Variants in MECOM observed in about 807,000 individuals in gnomAD.
MECOM encodes the protein MDS1 and EVI1 complex locus.
In MECOM, 13 loss-of-function variants were observed where a neutral mutation model predicts 116.3. That is an observed-to-expected ratio of 0.11 (90% CI 0.07 to 0.18). MECOM has a LOEUF of 0.18. Among genes scored for constraint, MECOM ranks in the 10% least tolerant of loss-of-function variants. The pLI is 1.00. For missense variants in MECOM, 1,299 were observed against 1,509.0 expected (o/e 0.86, Z 2.31); for synonymous variants, 528 against 535.2 (o/e 0.99, Z 0.19).
At chr3:169,122,454 T>G (rs746028646) in intron 6 of MECOM, 126 bp downstream of exon 6, 105 of 1,046,706 alleles carry the variant, frequency 1.0e-4, no homozygotes, top group Middle Eastern at 8.7e-4. Context: ...CAACACTCAG[T>G]GTACTTTTCT....
intron 1 of MECOM, chr3:169,477,105 G>GTGTGTATA (rs1216311292): frequency 5.0e-5 from 3 of 59,544 alleles, no homozygotes; most frequent in Non-Finnish European, 5.9e-5. Context: ...GTGTGTGTGT[G>GTGTGTATA]TATATATATA....
At position 169,087,687 on chromosome 3, in the gene MECOM, T is replaced by G. The variant is rs187083922; in HGVS notation, c.3585+1313A>C. On this transcript the variant is annotated intron_variant, in intron 16 of 16. Coordinates refer to ENST00000651503, the MANE Select transcript of MECOM (RefSeq NM_004991.4). ...GGATGGAAGAATGGGAAATCAAGGG[T>G]TAAAAAAAAATACTAGCCACCCCTT... is the stretch of plus-strand genomic sequence containing the variant. Among the ~76,000 whole-genome samples the G allele has an allele frequency of 7.2e-3, 1,007 of 140,652 alleles. 8 individuals are homozygous for G. Among genetic ancestry groups the G allele is most frequent in the African/African-American group, 0.024 (792 of 32,470 alleles). The allele number at this position is 140,652 out of a possible 152,430, so 92.3% of individuals were successfully genotyped here. A position where few individuals can be genotyped will look rare whatever the true frequency, so the allele number is the denominator to read the frequency against.
rs555137823 is a variant in MECOM at position 169,271,732 on chromosome 3, A to G, written c.375+109455T>C. Among the ~76,000 whole-genome samples the G allele has an allele frequency of 5.3e-4, 80 of 152,314 alleles. 1 individual carries two copies. In the South Asian group the frequency reaches 8.9e-3, roughly 17 times the overall value. ...TGTAACAAACCTGCACATTGTGCAC[A>G]TGTACCCTAGAACTTAAAATTTTAA... On this transcript the variant is annotated intron_variant, in intron 2 of 16. Coordinates refer to ENST00000651503, the MANE Select transcript of MECOM (RefSeq NM_004991.4).
intron 1 of MECOM, among the ~76,000 whole-genome samples, chr3:169,642,135 A>G (rs1441460859): frequency 2.0e-5 from 3 of 152,198 alleles, no homozygotes; most frequent in East Asian, 1.9e-4. Flanking sequence ...TATTAATCAT[A>G]TATTTCATTT....
intron 1 of MECOM, among the ~76,000 whole-genome samples, chr3:169,383,801 T>C (rs565199356): frequency 4.4e-4 from 67 of 152,248 alleles, no homozygotes; most frequent in African/African-American, 1.4e-3. Context: ...TCCATCTGAT[T>C]CTCAATGCTC....
At chr3:169,409,889 A>G (rs989733787) in intron 1 of MECOM, among the ~76,000 whole-genome samples, 7 of 152,220 alleles carry the variant, frequency 4.6e-5, no homozygotes, top group Admixed American at 2.0e-4. Context: ...AGAAAACGCA[A>G]TATTGTGGGC....
intron 2 of MECOM, among the ~76,000 whole-genome samples, chr3:169,153,311 AC>A (rs1234304693): frequency 6.6e-6 from 1 of 152,226 alleles, no homozygotes; most frequent in Admixed American, 6.5e-5. Flanking sequence ...TGAGACAGTC[AC>A]AAAAAATGCA....
intron 2 of MECOM, among the ~76,000 whole-genome samples, chr3:169,289,533 T>C (rs1267105117): frequency 6.6e-6 from 1 of 152,222 alleles, no homozygotes; most frequent in African/African-American, 2.4e-5. Flanking sequence ...CACATTAACA[T>C]GCTTTCAAAA....
intron 2 of MECOM, among the ~76,000 whole-genome samples, chr3:169,356,225 G>A (rs1279351644): frequency 1.3e-5 from 2 of 151,782 alleles, no homozygotes; most frequent in East Asian, 1.9e-4. Context: ...AACAATTACT[G>A]TGAGATACTT....
chr3:169,086,333 G>C (rs1402007785), intron 16 of MECOM, among the ~76,000 whole-genome samples: 1 of 152,122 alleles, frequency 6.6e-6, no homozygotes. Context: ...TAAAGTATGG[G>C]TTAAGTGAGC....
At chr3:169,260,943 T>C (rs1480516814) in intron 2 of MECOM, among the ~76,000 whole-genome samples, 1 of 152,208 alleles carries the variant, frequency 6.6e-6, no homozygotes, top group Non-Finnish European at 1.5e-5. Flanking sequence ...CAAAATTCAG[T>C]GCATAGATTG....
chr3:169,511,436 T>C (rs1755939274), intron 1 of MECOM, among the ~76,000 whole-genome samples: 1 of 152,214 alleles, frequency 6.6e-6, no homozygotes, highest in Admixed American at 6.5e-5. Context: ...TCTAGGATTC[T>C]TCCCATACTT....
At chr3:169,486,996 A>AT (rs528023622) in intron 1 of MECOM, among the ~76,000 whole-genome samples, 6 of 151,916 alleles carry the variant, frequency 3.9e-5, no homozygotes, top group African/African-American at 1.2e-4. Flanking sequence ...TTCTATTTAG[A>AT]TTTTTTTTAA....
At chr3:169,268,571 CT>C (rs1241005538) in intron 2 of MECOM, among the ~76,000 whole-genome samples, 1 of 152,192 alleles carries the variant, frequency 6.6e-6, no homozygotes, top group Non-Finnish European at 1.5e-5. Context: ...TTACATCATA[CT>C]TTTATCAGTG....
At chr3:169,174,058 C>T (rs1038852839) in intron 2 of MECOM, among the ~76,000 whole-genome samples, 4 of 152,290 alleles carry the variant, frequency 2.6e-5, no homozygotes, top group East Asian at 1.9e-4. Flanking sequence ...CCTTGACTTG[C>T]CAGGCTAACT....
At chr3:169,394,890 C>A (rs1734788398) in intron 1 of MECOM, among the ~76,000 whole-genome samples, 1 of 152,102 alleles carries the variant, frequency 6.6e-6, no homozygotes, top group Admixed American at 6.6e-5. Context: ...TAGGGCATAT[C>A]TGCATTTTTC....
chr3:169,653,021 A>C (rs1204565338), intron 1 of MECOM, among the ~76,000 whole-genome samples: 4 of 152,228 alleles, frequency 2.6e-5, no homozygotes, highest in Non-Finnish European at 5.9e-5. Context: ...TTGTGATTTA[A>C]GTGAGGGGTC....
chr3:169,403,688 A>G (rs1302808736), intron 1 of MECOM, among the ~76,000 whole-genome samples: 1 of 152,216 alleles, frequency 6.6e-6, no homozygotes, highest in Non-Finnish European at 1.5e-5. Context: ...ACCACTTCAT[A>G]GCCATTGAAA....
intron 2 of MECOM, among the ~76,000 whole-genome samples, chr3:169,219,494 G>A (rs559187427): frequency 1.3e-5 from 2 of 152,258 alleles, no homozygotes; most frequent in South Asian, 2.1e-4. Context: ...GCGACAGAGC[G>A]AGACTCCGTC....
Sources: allele counts gnomAD v4.1 joint callset (sites outside exome capture counted in the v4.1 genomes callset), GRCh38; gene constraint gnomAD v4.1.1; transcripts MANE v1.5; gene names NCBI Gene and HGNC (gene_info 2026-07-23, HGNC 2026-07-21).